ARHGAP22: variants seen among roughly 807,000 people sequenced by gnomAD.
The protein encoded by ARHGAP22 is Rho GTPase activating protein 22.
ARHGAP22 carries 48 observed loss-of-function variants against 59.1 expected under a neutral mutation model. The ratio of observed to expected loss-of-function variants is 0.81; its 90% CI spans 0.64 to 1.03. The LOEUF is 1.03. ARHGAP22 is among the 50% of genes least tolerant of loss of function. The probability of loss-of-function intolerance (pLI) is 0.00; values close to 1 mark genes in which losing one functional copy is unlikely to be tolerated. For missense variants in ARHGAP22, 1,015 were observed against 958.7 expected (o/e 1.06, Z -0.78); for synonymous variants, 445 against 416.4 (o/e 1.07, Z -0.84).
exon 1 of ARHGAP22, chr10:48,652,434 G>T: frequency 1.5e-6 from 1 of 684,270 alleles, no homozygotes; most frequent in Non-Finnish European, 2.5e-6. Flanking sequence ...CCCTTTATCT[G>T]GTATTTTCTT....
At chr10:48,565,198 C>T (rs1447503393) in intron 2 of ARHGAP22, among the ~76,000 whole-genome samples, 1 of 152,154 alleles carries the variant, frequency 6.6e-6, no homozygotes, top group Non-Finnish European at 1.5e-5. Context: ...AACTTTGGGA[C>T]AAGTTTAGCC....
chr10:48,633,214 C>G (rs573249269), intron 1 of ARHGAP22, among the ~76,000 whole-genome samples: 1 of 152,222 alleles, frequency 6.6e-6, no homozygotes, highest in Non-Finnish European at 1.5e-5. Flanking sequence ...ATTTCCCAGG[C>G]CTGTCCACCT....
At chr10:48,465,491 C>G (rs1305168664) in intron 4 of ARHGAP22, among the ~76,000 whole-genome samples, 1 of 152,228 alleles carries the variant, frequency 6.6e-6, no homozygotes, top group African/African-American at 2.4e-5. Flanking sequence ...CACGGGAGAT[C>G]GACCACACCA....
At chr10:48,567,497 T>G (rs1377193077) in intron 2 of ARHGAP22, among the ~76,000 whole-genome samples, 1 of 152,164 alleles carries the variant, frequency 6.6e-6, no homozygotes, top group Non-Finnish European at 1.5e-5. Flanking sequence ...GGGGAGCTCT[T>G]GAATCCCCTA....
chr10:48,557,938 T>C (rs568110668), intron 2 of ARHGAP22, among the ~76,000 whole-genome samples: 1 of 152,320 alleles, frequency 6.6e-6, no homozygotes, highest in East Asian at 1.9e-4. Context: ...AGTCAGAACA[T>C]AGCATTCAGC....
At chr10:48,448,616 C>T (rs1447688091) in intron 9 of ARHGAP22, among the ~76,000 whole-genome samples, 2 of 131,560 alleles carry the variant, frequency 1.5e-5, no homozygotes, top group Non-Finnish European at 3.2e-5. Context: ...ACCCGATGGC[C>T]CATACTTCCA....
intron 3 of ARHGAP22, among the ~76,000 whole-genome samples, chr10:48,507,176 G>A (rs1156756126): frequency 6.6e-6 from 1 of 152,174 alleles, no homozygotes; most frequent in Non-Finnish European, 1.5e-5. Context: ...TCCATACACA[G>A]AGCATCACAG....
At chr10:48,596,326 C>T (rs2060064517) in intron 1 of ARHGAP22, among the ~76,000 whole-genome samples, 1 of 152,198 alleles carries the variant, frequency 6.6e-6, no homozygotes, top group South Asian at 2.1e-4. Context: ...CACACACCTG[C>T]CCTGGCAGAG....
rs981102646 is a variant in ARHGAP22 at position 48,605,020 on chromosome 10, A to C, written c.-224T>G. 1.4e-6 allele frequency: 2 copies of C among 1,435,966 alleles called. No individual in the cohort carries two copies. Among genetic ancestry groups the C allele is most frequent in the African/African-American group, 1.4e-5 (1 of 69,870 alleles). 89.0% of individuals were successfully genotyped at this position (1,435,966 alleles called of 1,614,324 possible). On this transcript the variant is annotated 5_prime_UTR_variant, in exon 1 of 10. Coordinates refer to ENST00000249601, the MANE Select transcript of ARHGAP22 (RefSeq NM_021226.4). ...GCATTATTTATCCATCCCAGAATTA[A>C]TTCCCATCCAAGCGGACCATTAAAG...
At chr10:48,499,282 C>G (rs1177856264) in intron 3 of ARHGAP22, among the ~76,000 whole-genome samples, 2 of 152,224 alleles carry the variant, frequency 1.3e-5, no homozygotes, top group East Asian at 3.8e-4. Flanking sequence ...GGCGTGAGAG[C>G]CACAGGCCGC....
chr10:48,551,300 A>G (rs905796461), intron 3 of ARHGAP22, among the ~76,000 whole-genome samples: 2 of 152,280 alleles, frequency 1.3e-5, no homozygotes, highest in Admixed American at 6.5e-5. Flanking sequence ...AGAATTCTAG[A>G]AAGTCTGAGG....
rs774487178 is a variant in ARHGAP22 at position 48,450,353 on chromosome 10, G to C, written c.1776C>G (p.His592Gln). 6.3e-7 allele frequency: 1 copy of C among 1,589,276 alleles called. No homozygotes were observed. Residue 592 changes from histidine (H) to glutamine (Q), a missense_variant, in exon 9 of 10, where the codon CAC (histidine) becomes CAG (glutamine). His to Gln is a conservative substitution (Grantham distance 24). Coordinates refer to ENST00000249601, the MANE Select transcript of ARHGAP22 (RefSeq NM_021226.4). Reference sequence around the variant, plus strand: ...CCTGTAAGGCCTCGGAGCGGCGCGCGTGTTCCCGGGTGGGGCTGTCCGGCT... The same window carrying C: ...CCTGTAAGGCCTCGGAGCGGCGCGCCTGTTCCCGGGTGGGGCTGTCCGGCT... ...PSEPDSPTRE[H>Q]ARRSEALQGL...
At chr10:48,597,094 G>T (rs1239828113) in intron 1 of ARHGAP22, among the ~76,000 whole-genome samples, 1 of 152,160 alleles carries the variant, frequency 6.6e-6, no homozygotes, top group African/African-American at 2.4e-5. Context: ...CAGAATGATT[G>T]ACTTCCATCC....
At chr10:48,578,687 G>GAT (rs1564921919) in intron 2 of ARHGAP22, among the ~76,000 whole-genome samples, 1 of 149,316 alleles carries the variant, frequency 6.7e-6, no homozygotes, top group African/African-American at 2.5e-5. Context: ...TTTTGAAAAA[G>GAT]TTTTTTTTTT....
At chr10:48,611,880 TCCCC>T in intron 1 of ARHGAP22, among the ~76,000 whole-genome samples, 3 of 24,246 alleles carry the variant, frequency 1.2e-4, no homozygotes, top group South Asian at 2.7e-3. Context: ...TCCCCTCCCC[TCCCC>T]TCCCGTCCCC....
chr10:48,461,013 A>G (rs1041443922), intron 4 of ARHGAP22, among the ~76,000 whole-genome samples: 1 of 152,224 alleles, frequency 6.6e-6, no homozygotes. Context: ...GAATGGGCAC[A>G]GAGTCTCAGC....
At chr10:48,651,977 G>T (rs935440443) in intron 1 of ARHGAP22, among the ~76,000 whole-genome samples, 3 of 152,088 alleles carry the variant, frequency 2.0e-5, no homozygotes, top group Non-Finnish European at 4.4e-5. Flanking sequence ...AATGCAATCA[G>T]AGCCCTGAGT....
intron 3 of ARHGAP22, among the ~76,000 whole-genome samples, chr10:48,548,630 G>A (rs191175072): frequency 5.3e-5 from 8 of 151,944 alleles, no homozygotes; most frequent in Admixed American, 4.6e-4. Flanking sequence ...CTCCCCACCC[G>A]CTCCTTGTGG....
At position 48,450,976 on chromosome 10, in the gene ARHGAP22, C is replaced by T. The variant is rs754047744; in HGVS notation, c.1153G>A (p.Gly385Ser). 10 of 1,564,920 alleles carry T rather than the reference C, an allele frequency of 6.4e-6. No homozygotes were observed. The highest frequency in any genetic ancestry group is 1.7e-4 in the Middle Eastern group (1 of 5,946). ...VTRDSQGEPG[G>S]PGLPAHRTSS... ...GTCCTGTGCGCGGGCAGGCCGGGGC[C>T]GCCGGGCTCTCCTTGGCTGTCCCTG... Residue 385 changes from glycine (G) to serine (S), a missense_variant, in exon 9 of 10, where the codon GGC (glycine) becomes AGC (serine). By Grantham distance (56) the Gly-to-Ser change is moderately conservative (BLOSUM62 0). Coordinates refer to ENST00000249601, the MANE Select transcript of ARHGAP22 (RefSeq NM_021226.4).
Sources: allele counts gnomAD v4.1 joint callset (sites outside exome capture counted in the v4.1 genomes callset), GRCh38; gene constraint gnomAD v4.1.1; transcripts MANE v1.5; gene names NCBI Gene and HGNC (gene_info 2026-07-23, HGNC 2026-07-21).